Variants in VTI1A observed in about 807,000 individuals in gnomAD.
The protein encoded by VTI1A is vesicle transport through interaction with t-SNAREs homolog 1A.
VTI1A carries 22 observed loss-of-function variants against 34.9 expected under a neutral mutation model. That is an observed-to-expected ratio of 0.63 (90% CI 0.45 to 0.90). VTI1A has a LOEUF of 0.90. Among genes scored for constraint, VTI1A ranks in the 40% least tolerant of loss-of-function variants. VTI1A has a pLI of 0.00. For synonymous variants in VTI1A, 87 were observed against 97.3 expected, an observed-to-expected ratio of 0.89 and a Z score of 0.62; for missense variants, 268 against 275.6, an observed-to-expected ratio of 0.97 and a Z score of 0.20.
At chr10:112,660,131 C>T (rs866365303) in intron 5 of VTI1A, among the ~76,000 whole-genome samples, 105 of 152,242 alleles carry the variant, frequency 6.9e-4, no homozygotes, top group Middle Eastern at 3.4e-3. Flanking sequence ...GACAGAGTCT[C>T]GCTCTGTCAC....
chr10:112,626,396 A>G (rs994215079), intron 5 of VTI1A, among the ~76,000 whole-genome samples: 2 of 87,840 alleles, frequency 2.3e-5, no homozygotes, highest in African/African-American at 1.2e-4. Flanking sequence ...TTTATTAGGC[A>G]AATTGAATTT....
In VTI1A at chr10:112,611,988, G is replaced by A. The variant is rs190113800; in HGVS notation, c.428-56230G>A. On this transcript the variant is annotated intron_variant, in intron 5 of 7. Coordinates refer to ENST00000393077, the MANE Select transcript of VTI1A (RefSeq NM_145206.4). Reference sequence around the variant, plus strand: ...GATCTCCTGACCTCGTGGTCCGCCCGCCTCGGCCTCCGAAAGTGCTGGGAT... The same window carrying A: ...GATCTCCTGACCTCGTGGTCCGCCCACCTCGGCCTCCGAAAGTGCTGGGAT... 1.8e-3 allele frequency among the ~76,000 whole-genome samples: 279 copies of A among 152,072 alleles called. 2 individuals carry two copies. Among genetic ancestry groups the A allele is most frequent in the Middle Eastern group, 6.8e-3 (2 of 292 alleles).
intron 5 of VTI1A, among the ~76,000 whole-genome samples, chr10:112,573,729 T>C (rs1437140345): frequency 6.6e-6 from 1 of 152,220 alleles, no homozygotes; most frequent in Non-Finnish European, 1.5e-5. Flanking sequence ...CAAAAATGCA[T>C]GTTAGTTGAG....
intron 4 of VTI1A, among the ~76,000 whole-genome samples, chr10:112,531,065 A>ACACT (rs1850412110): frequency 1.7e-5 from 2 of 115,036 alleles, no homozygotes; most frequent in Non-Finnish European, 3.3e-5. Flanking sequence ...GACACACCTC[A>ACACT]CACACACACA....
chr10:112,694,733 C>T (rs768264891), intron 7 of VTI1A, among the ~76,000 whole-genome samples: 39 of 152,010 alleles, frequency 2.6e-4, no homozygotes, highest in Non-Finnish European at 4.4e-4. Flanking sequence ...CTTTGGGAGG[C>T]GGAGGCGGGC....
chr10:112,840,351 C>G, the VTI1A span, among the ~76,000 whole-genome samples: 1 of 152,146 alleles, frequency 6.6e-6, no homozygotes, highest in African/African-American at 2.4e-5. Flanking sequence ...ATCCCACCCA[C>G]GAGTCCCCCA....
chr10:112,771,370 G>A (rs1026490703), intron 7 of VTI1A, among the ~76,000 whole-genome samples: 1 of 152,242 alleles, frequency 6.6e-6, no homozygotes, highest in African/African-American at 2.4e-5. Context: ...AGGGATGAAA[G>A]GGAAAGCACT....
intron 3 of VTI1A, among the ~76,000 whole-genome samples, chr10:112,518,575 C>CTATA (rs1564809794): frequency 8.8e-6 from 1 of 113,514 alleles, no homozygotes; most frequent in African/African-American, 3.6e-5. Flanking sequence ...CTCTCTCTCT[C>CTATA]TCTCTCTCTC....
At chr10:112,841,871 G>A in the VTI1A span, among the ~76,000 whole-genome samples, 668 of 152,082 alleles carry the variant, frequency 4.4e-3, 10 homozygotes, top group East Asian at 0.035. Flanking sequence ...AATAAATCCC[G>A]TCTCTGCTAA....
At chr10:112,729,197 G>A (rs1458291110) in intron 7 of VTI1A, among the ~76,000 whole-genome samples, 2 of 152,162 alleles carry the variant, frequency 1.3e-5, no homozygotes, top group African/African-American at 4.8e-5. Context: ...AATGAAAAAG[G>A]TGTCACTTAA....
chr10:112,507,883 G>T (rs1849484827), intron 3 of VTI1A, among the ~76,000 whole-genome samples: 2 of 152,108 alleles, frequency 1.3e-5, no homozygotes. Context: ...ATCTGTGGAG[G>T]TTTCCCCCAC....
At position 112,684,419 on chromosome 10, in the gene VTI1A, G is replaced by A. The variant is rs142332919; in HGVS notation, c.560+15421G>A. Reference sequence around the variant, plus strand: ...ATTTGCTTAGTGTGGCATCCTTGAAGATAATAAATGCTCATCTCTTTTTTT... The same window carrying A: ...ATTTGCTTAGTGTGGCATCCTTGAAAATAATAAATGCTCATCTCTTTTTTT... On this transcript the variant is annotated intron_variant, in intron 7 of 7. Transcript: ENST00000393077. Among the ~76,000 whole-genome samples, 692 of 148,266 alleles carry A rather than the reference G, an allele frequency of 4.7e-3. 3 individuals carry two copies. Among genetic ancestry groups the A allele is most frequent in the African/African-American group, 0.016 (649 of 40,328 alleles).
intron 3 of VTI1A, among the ~76,000 whole-genome samples, chr10:112,470,596 G>T (rs562740137): frequency 6.6e-6 from 1 of 152,302 alleles, no homozygotes; most frequent in African/African-American, 2.4e-5. Context: ...CTTTAAAAGT[G>T]CTGGGTGCGG....
chr10:112,767,819 G>T lies in VTI1A; in HGVS notation c.561-47471G>T, dbSNP rs1292457337. Among the ~76,000 whole-genome samples the T allele has an allele frequency of 6.6e-6, 1 of 152,164 alleles. No homozygotes were observed. Among genetic ancestry groups the T allele is most frequent in the African/African-American group, 2.4e-5 (1 of 41,430 alleles). ...AAACACAAACTTCATGTAAGGCATG[G>T]TGAGATGATATAAAGGCCAAAATGT... On this transcript the variant is annotated intron_variant, in intron 7 of 7. Transcript: ENST00000393077. The surrounding 1 kb of genome is among the most constrained non-coding windows in gnomAD (Gnocchi z 4.0).
At chr10:112,631,819 G>C (rs1342874721) in intron 5 of VTI1A, among the ~76,000 whole-genome samples, 1 of 152,122 alleles carries the variant, frequency 6.6e-6, no homozygotes, top group African/African-American at 2.4e-5. Context: ...TGTTTGTCGT[G>C]ACTCATAATG....
intron 7 of VTI1A, among the ~76,000 whole-genome samples, chr10:112,766,593 T>G (rs1851653148): frequency 6.6e-6 from 1 of 151,974 alleles, no homozygotes. Context: ...GCTAGTATAC[T>G]TCAAAGAGGA....
chr10:112,598,797 G>A (rs1589956432), intron 5 of VTI1A, among the ~76,000 whole-genome samples: 1 of 152,132 alleles, frequency 6.6e-6, no homozygotes, highest in South Asian at 2.1e-4. Flanking sequence ...GATTTTCTAC[G>A]TGTGGTAGAC....
chr10:112,735,896 A>G (rs1055159956), intron 7 of VTI1A, among the ~76,000 whole-genome samples: 2 of 151,900 alleles, frequency 1.3e-5, no homozygotes, highest in Non-Finnish European at 2.9e-5. Context: ...CAACATGTTC[A>G]TGGACCACAG....
intron 3 of VTI1A, among the ~76,000 whole-genome samples, chr10:112,517,544 G>A (rs1251789525): frequency 6.6e-6 from 1 of 152,032 alleles, no homozygotes; most frequent in African/African-American, 2.4e-5. Flanking sequence ...ATGAAAAGAG[G>A]AAAAGGGTAA....
Sources: allele counts gnomAD v4.1 joint callset (sites outside exome capture counted in the v4.1 genomes callset), GRCh38; gene constraint gnomAD v4.1.1; non-coding constraint Gnocchi (gnomAD v3.1); transcripts MANE v1.5; gene names NCBI Gene and HGNC (gene_info 2026-07-23, HGNC 2026-07-21).